Variants in C1QTNF7 observed in about 807,000 individuals in gnomAD.
C1QTNF7 encodes C1q and TNF related 7.
In C1QTNF7, 15 loss-of-function variants were observed where a neutral mutation model predicts 19.6. That is an observed-to-expected ratio of 0.76 (90% CI 0.51 to 1.18). C1QTNF7 has a LOEUF of 1.18. C1QTNF7 is among the 50% of genes most tolerant of loss of function. The pLI, the probability that C1QTNF7 is intolerant of heterozygous loss-of-function variation, is 0.00. For missense variants in C1QTNF7, 324 were observed against 359.7 expected, an observed-to-expected ratio of 0.90 and a Z score of 0.80; for synonymous variants, 142 against 137.5, an observed-to-expected ratio of 1.03 and a Z score of -0.23.
At chr4:15,382,566 ATGTAGAT>A (rs1718187978) in intron 1 of C1QTNF7, among the ~76,000 whole-genome samples, 1 of 152,212 alleles carries the variant, frequency 6.6e-6, no homozygotes, top group Non-Finnish European at 1.5e-5. Flanking sequence ...CCTGGTCAAT[ATGTAGAT>A]TGTTGAGATA....
intron 1 of C1QTNF7, among the ~76,000 whole-genome samples, chr4:15,382,457 G>A (rs776409037): frequency 3.3e-5 from 5 of 151,278 alleles, no homozygotes; most frequent in Admixed American, 6.6e-5. Context: ...TCTTGTTCAC[G>A]AATGAATGCT....
intron 1 of C1QTNF7, among the ~76,000 whole-genome samples, chr4:15,433,495 A>G (rs747912149): frequency 2.0e-5 from 3 of 152,194 alleles, no homozygotes; most frequent in Non-Finnish European, 4.4e-5. Flanking sequence ...GAATAGATTA[A>G]TAACTTAAGT....
intron 1 of C1QTNF7, among the ~76,000 whole-genome samples, chr4:15,371,547 AT>A (rs1043585805): frequency 2.0e-5 from 3 of 152,174 alleles, no homozygotes; most frequent in Non-Finnish European, 4.4e-5. Flanking sequence ...CATTATGCAA[AT>A]TATCTTAGAA....
intron 1 of C1QTNF7, among the ~76,000 whole-genome samples, chr4:15,342,696 T>A (rs1577223726): frequency 1.3e-5 from 2 of 152,334 alleles, no homozygotes; most frequent in African/African-American, 4.8e-5. Flanking sequence ...GATGAGCCCA[T>A]AAGACAAGTA....
intron 2 of C1QTNF7, among the ~76,000 whole-genome samples, chr4:15,437,373 A>G (rs1374423612): frequency 6.6e-6 from 1 of 152,132 alleles, no homozygotes; most frequent in Non-Finnish European, 1.5e-5. Context: ...TTTAAGGGAA[A>G]GAGTACATGC....
chr4:15,443,137 T>A lies in C1QTNF7; in HGVS notation c.*338T>A, dbSNP rs941661643. The A allele has an allele frequency of 5.9e-6, 1 of 169,346 alleles. No individual in the cohort carries two copies. The highest frequency in any genetic ancestry group is 2.4e-5 in the African/African-American group (1 of 41,990). The allele number at this position is 169,346 out of a possible 1,614,324, so 10.5% of individuals were successfully genotyped here. On this transcript the variant is annotated 3_prime_UTR_variant, in exon 3 of 3. Transcript: ENST00000444304. Reference sequence around the variant, plus strand: ...TGCCTTATTAAATCTTCAAAAAATATATTTTAGTCTGTTATTTAAGAAAAA... The same window carrying A: ...TGCCTTATTAAATCTTCAAAAAATAAATTTTAGTCTGTTATTTAAGAAAAA...
rs551030230 is a variant in C1QTNF7, at chr4:15,432,488, A to G, written c.-8-3248A>G. ...TCTGCTCACTGCAACTTCCACCTCC[A>G]GGGTTCAAGTGATTCTCCTGCCTCA... On this transcript the variant is annotated intron_variant, in intron 1 of 2. Transcript: ENST00000444304. Among the ~76,000 whole-genome samples, 3 of 152,260 alleles carry G rather than the reference A, an allele frequency of 2.0e-5. No individual in the cohort carries two copies. The East Asian group carries it at 5.8e-4, about 29-fold the overall frequency.
chr4:15,374,674 C>A (rs1717861858), intron 1 of C1QTNF7: 1 of 985,296 alleles, frequency 1.0e-6, no homozygotes, highest in Non-Finnish European at 1.2e-6. Flanking sequence ...ATGAATAATC[C>A]TCGCTGCCAA....
At chr4:15,385,076 C>T (rs1718282367) in intron 1 of C1QTNF7, among the ~76,000 whole-genome samples, 1 of 152,202 alleles carries the variant, frequency 6.6e-6, no homozygotes, top group Non-Finnish European at 1.5e-5. Context: ...TTCCCAAGCT[C>T]TTGTAAATAA....
intron 1 of C1QTNF7, among the ~76,000 whole-genome samples, chr4:15,389,261 G>T (rs1220035598): frequency 1.3e-5 from 2 of 152,118 alleles, no homozygotes; most frequent in Non-Finnish European, 2.9e-5. Flanking sequence ...GCATGAACTG[G>T]GGAGAAGGGT....
chr4:15,357,724 T>C (rs565546272), intron 1 of C1QTNF7, among the ~76,000 whole-genome samples: 84 of 152,208 alleles, frequency 5.5e-4, no homozygotes, highest in Non-Finnish European at 1.1e-3. Context: ...GAGCATGGAA[T>C]GTTTTTCCAT....
chr4:15,375,584 G>A (rs1159082930), intron 1 of C1QTNF7, among the ~76,000 whole-genome samples: 3 of 152,144 alleles, frequency 2.0e-5, no homozygotes, highest in South Asian at 2.1e-4. Context: ...AAACTTGAAC[G>A]GAATCGTTTT....
intron 2 of C1QTNF7, among the ~76,000 whole-genome samples, chr4:15,437,250 T>C (rs1308975036): frequency 3.9e-5 from 6 of 152,000 alleles, no homozygotes; most frequent in African/African-American, 1.5e-4. Context: ...CAGAAAGACT[T>C]TGGCTCAAAT....
At position 15,445,955 on chromosome 4, in the gene C1QTNF7, C is replaced by T. The variant is rs980590000; in HGVS notation, c.*3156C>T. 7.2e-5 allele frequency: 11 copies of T among 152,106 alleles called. No individual in the cohort carries two copies. Among genetic ancestry groups the T allele is most frequent in the African/African-American group, 2.7e-4 (11 of 41,406 alleles). 9.4% of individuals were successfully genotyped at this position (152,106 alleles called of 1,614,324 possible). ...AGAAAATAATGAGGCTAATATAATG[C>T]TGTGTGTACATGAACATGAATGTGC... On this transcript the variant is annotated 3_prime_UTR_variant, in exon 3 of 3. Transcript: ENST00000444304.
At chr4:15,393,614 C>T (rs1718668172) in intron 1 of C1QTNF7, among the ~76,000 whole-genome samples, 1 of 152,182 alleles carries the variant, frequency 6.6e-6, no homozygotes, top group Admixed American at 6.5e-5. Flanking sequence ...TTCTGAGGAC[C>T]AATGGATTTG....
chr4:15,422,147 A>C (rs765438055), intron 1 of C1QTNF7, among the ~76,000 whole-genome samples: 2 of 151,832 alleles, frequency 1.3e-5, no homozygotes, highest in Non-Finnish European at 2.9e-5. Context: ...TCACGAAACT[A>C]TTAATACCAA....
rs184542816 is a variant in C1QTNF7, at chr4:15,364,846, T to C, written c.13+24639T>C. ...ACTTCTCTCATTGTCACAGCTGTGT[T>C]ATAAATACGTTGGGTTTGAGGTATG... On this transcript the variant is annotated intron_variant, in intron 1 of 2. Coordinates refer to the C1QTNF7 transcript ENST00000295297. Among the ~76,000 whole-genome samples, 704 of 152,284 alleles carry C rather than the reference T, an allele frequency of 4.6e-3. 7 individuals carry two copies. Among genetic ancestry groups the C allele is most frequent in the African/African-American group, 0.016 (680 of 41,552 alleles).
At chr4:15,348,865 C>T (rs1428691906) in intron 1 of C1QTNF7, among the ~76,000 whole-genome samples, 3 of 152,164 alleles carry the variant, frequency 2.0e-5, no homozygotes, top group African/African-American at 7.2e-5. Context: ...CTTTGTCATT[C>T]AACACCTAAG....
intron 1 of C1QTNF7, among the ~76,000 whole-genome samples, chr4:15,429,029 A>G (rs1712185373): frequency 1.3e-5 from 2 of 152,168 alleles, no homozygotes; most frequent in African/African-American, 4.8e-5. Context: ...TGGCTGCACC[A>G]TTTCATGCCT....
Sources: allele counts gnomAD v4.1 joint callset (sites outside exome capture counted in the v4.1 genomes callset), GRCh38; gene constraint gnomAD v4.1.1; transcripts MANE v1.5; gene names NCBI Gene and HGNC (gene_info 2026-07-23, HGNC 2026-07-21).